The following RELB variants were observed in gnomAD, a reference collection of about 807,000 sequenced individuals.
RELB encodes RELB proto-oncogene, NF-kB subunit, also known as transcription factor RelB.
A neutral mutation model predicts 55.4 loss-of-function variants in RELB; 14 were observed. That is an observed-to-expected ratio of 0.25 (90% CI 0.17 to 0.40). RELB has a LOEUF of 0.40. RELB is among the 10% of genes least tolerant of loss of function. RELB has a pLI of 1.00. For missense variants in RELB, 669 were observed against 830.7 expected, an observed-to-expected ratio of 0.81 and a Z score of 2.39; for synonymous variants, 409 against 371.3, an observed-to-expected ratio of 1.10 and a Z score of -1.17.
chr19:45,008,352 G>A, intron 2 of RELB: 2 of 452,316 alleles, frequency 4.4e-6, no homozygotes, highest in East Asian at 7.0e-5. Context: ...TTGAACAGAG[G>A]CAGTGAACCC....
intron 1 of RELB, among the ~76,000 whole-genome samples, chr19:45,002,276 A>G (rs1488524302): frequency 6.6e-6 from 1 of 152,144 alleles, no homozygotes; most frequent in African/African-American, 2.4e-5. Flanking sequence ...TTGCCTCCAG[A>G]CGGAGAAGCG....
intron 2 of RELB, among the ~76,000 whole-genome samples, chr19:45,005,673 G>C (rs915640197): frequency 2.0e-5 from 3 of 152,054 alleles, no homozygotes; most frequent in Non-Finnish European, 4.4e-5. Context: ...TCACAATCTC[G>C]GCTCACTGCA....
chr19:45,027,933 T>C (rs35718746), intron 7 of RELB, among the ~76,000 whole-genome samples: 1 of 152,188 alleles, frequency 6.6e-6, no homozygotes, highest in East Asian at 1.9e-4. Flanking sequence ...TAGGCAGTCA[T>C]GCAGTGGTGC....
At chr19:45,012,335 C>A in intron 4 of RELB, 59 bp downstream of exon 4, 2 of 1,073,294 alleles carry the variant, frequency 1.9e-6, no homozygotes, top group Non-Finnish European at 2.5e-6. Flanking sequence ...CACCCCGGAG[C>A]CATCCACATG....
chr19:45,027,045 T>C (rs1469907067), intron 7 of RELB, among the ~76,000 whole-genome samples: 2 of 151,710 alleles, frequency 1.3e-5, no homozygotes, highest in Non-Finnish European at 2.9e-5. Flanking sequence ...CTGGCTAACA[T>C]GGCGAAACCC....
At position 45,037,592 on chromosome 19, in the gene RELB, T is replaced by C. The variant is rs1225141537; in HGVS notation, c.1542T>C (p.Ala514=). The C allele has an allele frequency of 6.2e-7, 1 of 1,610,326 alleles. No individual in the cohort carries two copies. Among genetic ancestry groups the C allele is most frequent in the Non-Finnish European group, 8.5e-7 (1 of 1,178,510 alleles). ...LLPPAPPHAS[A]VVCSGGAGAV... is the part of the protein sequence containing the mutation. ...CCCCGGCACCGCCACACGCTAGCGC[T>C]GTTGTGTGCAGCGGAGGTGCCGGGG... The change falls in exon 12 of 12, where the codon GCT becomes GCC. Residue 514 remains alanine (A), a synonymous_variant. Coordinates refer to ENST00000221452, the MANE Select transcript of RELB (RefSeq NM_006509.4).
chr19:45,012,391 C>A, intron 4 of RELB, 115 bp downstream of exon 4: 1 of 627,534 alleles, frequency 1.6e-6, no homozygotes, highest in Non-Finnish European at 2.4e-6. Context: ...TATTGTTGGA[C>A]CAGATATTAA....
chr19:45,006,971 A>G (rs1971289807), intron 2 of RELB, among the ~76,000 whole-genome samples: 2 of 151,772 alleles, frequency 1.3e-5, no homozygotes, highest in Admixed American at 1.3e-4. Flanking sequence ...AAAAAAAAAA[A>G]AGAAAATGAT....
intron 4 of RELB, among the ~76,000 whole-genome samples, chr19:45,018,127 G>T (rs951676967): frequency 2.0e-4 from 30 of 151,604 alleles, no homozygotes; most frequent in African/African-American, 6.8e-4. Flanking sequence ...ATTCTTGGCC[G>T]AGCGTGGTGG....
chr19:45,020,954 C>G (rs546290432), intron 4 of RELB, among the ~76,000 whole-genome samples: 4 of 152,144 alleles, frequency 2.6e-5, no homozygotes, highest in African/African-American at 4.8e-5. Flanking sequence ...GCAGGCAGAT[C>G]GCTTGAGTTC....
intron 4 of RELB, chr19:45,021,762 AC>A (rs1167602888): frequency 2.5e-5 from 7 of 275,838 alleles, no homozygotes; most frequent in Admixed American, 1.0e-4. Flanking sequence ...TTCAGTAGAG[AC>A]TGGGTTTCAC....
intron 11 of RELB, among the ~76,000 whole-genome samples, chr19:45,035,603 A>T (rs1198565991): frequency 6.6e-6 from 1 of 152,184 alleles, no homozygotes; most frequent in Non-Finnish European, 1.5e-5. Context: ...CAAGGCAGGT[A>T]GATCACGAGG....
intron 4 of RELB, among the ~76,000 whole-genome samples, chr19:45,017,627 C>T (rs1163816431): frequency 6.7e-6 from 1 of 149,652 alleles, no homozygotes; most frequent in Non-Finnish European, 1.5e-5. Flanking sequence ...ATTGCACATA[C>T]TTAATGTATA....
rs145746219 is a variant in RELB at position 45,016,240 on chromosome 19, C to A, written c.504+3964C>A. On this transcript the variant is annotated intron_variant, in intron 4 of 11. Transcript: ENST00000221452. ...CCTCAAGTGATCTGCCTGCCTCAGC[C>A]TCCCACAGTGCTGGGATTACAGGCG... Among the ~76,000 whole-genome samples the A allele has an allele frequency of 7.9e-5, 12 of 152,258 alleles. No homozygotes were observed. The East Asian group carries it at 2.1e-3, about 27-fold the overall frequency.
At chr19:45,024,179 T>A (rs1971528879) in intron 5 of RELB, among the ~76,000 whole-genome samples, 1 of 151,624 alleles carries the variant, frequency 6.6e-6, no homozygotes, top group Non-Finnish European at 1.5e-5. Context: ...TTATTTATTT[T>A]GAGACGGAGT....
At chr19:45,015,094 G>A (rs1033891689) in intron 4 of RELB, among the ~76,000 whole-genome samples, 9 of 151,646 alleles carry the variant, frequency 5.9e-5, no homozygotes, top group African/African-American at 1.7e-4. Context: ...GTAGAGACAG[G>A]GTTTCACCAC....
intron 4 of RELB, among the ~76,000 whole-genome samples, chr19:45,017,449 T>TAAAA (rs544678800): frequency 1.4e-4 from 14 of 102,668 alleles, no homozygotes; most frequent in Middle Eastern, 0.01. Flanking sequence ...AGAATCTGTC[T>TAAAA]AAAAAAAAAA....
chr19:45,028,827 C>G (rs1971587734), intron 7 of RELB, 61 bp from the exon 8 acceptor site: 1 of 1,429,212 alleles, frequency 7.0e-7, no homozygotes, highest in Admixed American at 2.0e-5. Context: ...CCCAGTAAGG[C>G]TTTGGTGACT....
chr19:45,025,594 C>CT lies in RELB; in HGVS notation c.755-11dup. ...CTTCCCACCCTCAGCCTCCCCATAT[C>CT]TCCCCCGACAGCTGGGTCCCTGAAG... On this transcript the variant is annotated splice_polypyrimidine_tract_variant and intron_variant, in intron 6 of 11. Coordinates refer to ENST00000221452, the MANE Select transcript of RELB (RefSeq NM_006509.4). 1 of 1,613,814 alleles carries CT rather than the reference C, an allele frequency of 6.2e-7. No individual in the cohort carries two copies. Among genetic ancestry groups the CT allele is most frequent in the South Asian group, 1.1e-5 (1 of 91,064 alleles).
Sources: gnomAD v4.1 joint callset for allele counts (sites outside exome capture counted in the v4.1 genomes callset) on GRCh38, gnomAD v4.1.1 for gene constraint, MANE v1.5 for transcripts, NCBI Gene and HGNC (gene_info 2026-07-23, HGNC 2026-07-21) for gene names.